The following WDPCP variants were observed in gnomAD, a reference collection of about 807,000 sequenced individuals.
WDPCP encodes the protein WD repeat containing planar cell polarity effector.
In WDPCP, 71 loss-of-function variants were observed where a neutral mutation model predicts 93.1. The observed-to-expected ratio is 0.76, with a 90% CI of 0.63 to 0.93. The LOEUF (loss-of-function observed/expected upper bound fraction) is 0.93. Ranked by LOEUF, WDPCP falls within the 40% of genes least tolerant of loss-of-function variation. The pLI, the probability that WDPCP is intolerant of heterozygous loss-of-function variation, is 0.00. For synonymous variants in WDPCP, 315 were observed against 315.0 expected (o/e 1.00, Z 0.00); for missense variants, 844 against 887.4 (o/e 0.95, Z 0.62).
chr2:63,673,650 T>C (rs1710372050), intron 2 of WDPCP, among the ~76,000 whole-genome samples: 1 of 152,144 alleles, frequency 6.6e-6, no homozygotes, highest in Non-Finnish European at 1.5e-5. Context: ...CCCTGCCCCA[T>C]AACAGCATAT....
intron 17 of WDPCP, among the ~76,000 whole-genome samples, chr2:63,149,286 A>G (rs1671738955): frequency 6.6e-6 from 1 of 152,210 alleles, no homozygotes; most frequent in African/African-American, 2.4e-5. Context: ...ATTATTAATC[A>G]GGCAAATACA....
chr2:63,272,748 G>A (rs1244984812), intron 13 of WDPCP, among the ~76,000 whole-genome samples: 1 of 152,202 alleles, frequency 6.6e-6, no homozygotes, highest in Non-Finnish European at 1.5e-5. Flanking sequence ...CTGGAAGACA[G>A]TTTTGACACC....
At chr2:63,255,873 AAC>A (rs80142430) in intron 14 of WDPCP, among the ~76,000 whole-genome samples, 45,749 of 151,898 alleles carry the variant, frequency 0.3, 8,654 homozygotes, top group Non-Finnish European at 0.41. Context: ...CAATATATAC[AAC>A]AGTCAATTGT....
At chr2:63,638,088 A>C (rs1450354858) in intron 3 of WDPCP, among the ~76,000 whole-genome samples, 2 of 152,196 alleles carry the variant, frequency 1.3e-5, no homozygotes, top group African/African-American at 4.8e-5. Context: ...AATGAAGGAA[A>C]TACTGCCATT....
intron 17 of WDPCP, among the ~76,000 whole-genome samples, chr2:63,129,445 T>C (rs1442107467): frequency 2.0e-5 from 3 of 152,250 alleles, no homozygotes; most frequent in Non-Finnish European, 4.4e-5. Flanking sequence ...CACTTTTTGC[T>C]TTCTGTTTTT....
intron 12 of WDPCP, among the ~76,000 whole-genome samples, chr2:63,344,792 G>T (rs1689080444): frequency 6.6e-6 from 1 of 152,156 alleles, no homozygotes; most frequent in Admixed American, 6.6e-5. Flanking sequence ...CCACCAGACT[G>T]GTCAAAATAC....
At chr2:63,749,688 C>A (rs185330941) in intron 2 of WDPCP, among the ~76,000 whole-genome samples, 1 of 152,088 alleles carries the variant, frequency 6.6e-6, no homozygotes, top group African/African-American at 2.4e-5. Flanking sequence ...GCATTTTTCA[C>A]TTACAATATT....
At chr2:63,288,387 A>G (rs1366656755) in intron 13 of WDPCP, among the ~76,000 whole-genome samples, 1 of 152,228 alleles carries the variant, frequency 6.6e-6, no homozygotes, top group Non-Finnish European at 1.5e-5. Context: ...AAGCAGAATA[A>G]TGTCCTAAAG....
In WDPCP at chr2:63,139,088, T is replaced by C. The variant is rs555989427; in HGVS notation, c.2190+13826A>G. On this transcript the variant is annotated intron_variant, in intron 17 of 17. Coordinates refer to ENST00000272321, the MANE Select transcript of WDPCP (RefSeq NM_015910.7). ...GTGTATGTATGTATGTGTGTGTATA[T>C]ATATACGTGTATATACACATAAACA... 8.5e-5 allele frequency among the ~76,000 whole-genome samples: 13 copies of C among 152,328 alleles called. No homozygotes were observed. In the South Asian group the frequency reaches 2.3e-3, roughly 27 times the overall value.
At chr2:63,517,796 C>T (rs1702646589) in intron 1 of WDPCP, 1 of 152,206 alleles carries the variant, frequency 6.6e-6, no homozygotes, top group South Asian at 2.1e-4. Flanking sequence ...TGTCATATTA[C>T]TACTTCAATC....
At chr2:63,326,344 A>G (rs1335707981) in intron 12 of WDPCP, among the ~76,000 whole-genome samples, 1 of 152,102 alleles carries the variant, frequency 6.6e-6, no homozygotes, top group East Asian at 1.9e-4. Flanking sequence ...CTATATGTTG[A>G]TGGAGGTTCG....
At chr2:63,531,465 T>C (rs1421462081) in intron 1 of WDPCP, among the ~76,000 whole-genome samples, 1 of 152,184 alleles carries the variant, frequency 6.6e-6, no homozygotes, top group East Asian at 1.9e-4. Context: ...CTCATACAGC[T>C]GGGTGCCCCT....
chr2:63,623,825 G>C (rs1709776860), intron 3 of WDPCP, among the ~76,000 whole-genome samples: 1 of 152,066 alleles, frequency 6.6e-6, no homozygotes, highest in African/African-American at 2.4e-5. Flanking sequence ...CTTAGCTCTG[G>C]ACCAAGTGGA....
chr2:63,379,113 G>C (rs1189051253), intron 11 of WDPCP, among the ~76,000 whole-genome samples: 1 of 152,024 alleles, frequency 6.6e-6, no homozygotes, highest in Non-Finnish European at 1.5e-5. Flanking sequence ...TGGAGAGGCA[G>C]GTTTTGATAA....
intron 2 of WDPCP, among the ~76,000 whole-genome samples, chr2:63,663,527 G>A (rs947781850): frequency 6.6e-6 from 1 of 152,200 alleles, no homozygotes; most frequent in Admixed American, 6.5e-5. Flanking sequence ...GGAAACTCCT[G>A]TAAAGTGGCA....
At chr2:63,408,844 T>C (rs1328897839) in intron 9 of WDPCP, among the ~76,000 whole-genome samples, 2 of 151,814 alleles carry the variant, frequency 1.3e-5, no homozygotes, top group African/African-American at 2.4e-5. Flanking sequence ...GGTACACAAA[T>C]CCAGTGACCT....
chr2:63,441,906 T>A (rs528537214), intron 6 of WDPCP: 1 of 152,268 alleles, frequency 6.6e-6, no homozygotes, highest in East Asian at 1.9e-4. Context: ...ATATAATTCT[T>A]AAAGTAGGTT....
chr2:63,395,298 G>A (rs568564957), intron 10 of WDPCP, among the ~76,000 whole-genome samples: 14 of 152,110 alleles, frequency 9.2e-5, no homozygotes, highest in Non-Finnish European at 1.8e-4. Context: ...ATATTGCATT[G>A]ATGAAGTCTG....
intron 14 of WDPCP, among the ~76,000 whole-genome samples, chr2:63,177,066 T>C (rs1673866113): frequency 1.3e-5 from 2 of 152,238 alleles, no homozygotes; most frequent in Non-Finnish European, 2.9e-5. Context: ...TTTGACCATA[T>C]GGTTAATGGT....
Sources: gnomAD v4.1 joint callset for allele counts (sites outside exome capture counted in the v4.1 genomes callset) on GRCh38, gnomAD v4.1.1 for gene constraint, MANE v1.5 for transcripts, NCBI Gene and HGNC (gene_info 2026-07-23, HGNC 2026-07-21) for gene names.